OPLAH: variants seen among roughly 807,000 people sequenced by gnomAD.
OPLAH encodes 5-oxoprolinase.
In OPLAH, 103 loss-of-function variants were observed where a neutral mutation model predicts 122.8. The ratio of observed to expected loss-of-function variants is 0.84; its 90% CI spans 0.71 to 0.99. OPLAH has a LOEUF of 0.99. OPLAH is among the 50% of genes least tolerant of loss of function. OPLAH has a pLI of 0.00. For missense variants in OPLAH, 1,902 were observed against 1,836.5 expected (o/e 1.04, Z -0.65); for synonymous variants, 875 against 796.0 (o/e 1.10, Z -1.67).
chr8:144,053,475 C>A, intron 19 of OPLAH, 82 bp from the exon 20 acceptor site: 2 of 1,374,506 alleles, frequency 1.5e-6, no homozygotes, highest in Non-Finnish European at 2.0e-6. Flanking sequence ...CAGACAAGGT[C>A]TCTGGCCCCT....
At chr8:144,060,232 C>T in intron 1 of OPLAH, 147 bp from the exon 2 acceptor site, 1 of 643,190 alleles carries the variant, frequency 1.6e-6, no homozygotes, top group South Asian at 2.0e-5. Flanking sequence ...CCGAGGGCAG[C>T]CTGGGCCCGA....
rs782350791 is a variant in OPLAH at position 144,058,535 on chromosome 8, G to C, written c.744C>G (p.Tyr248Ter). 2 of 1,596,930 alleles carry C rather than the reference G, an allele frequency of 1.3e-6. No individual in the cohort carries two copies. Among genetic ancestry groups the C allele is most frequent in the African/African-American group, 2.7e-5 (2 of 74,854 alleles). The part of the protein sequence containing the change: ...DAYLTPAIQR[Y>*]VQGFCRGFQG... ...GGAAGCCACGGCAGAAGCCCTGCAC[G>C]TAGCGCTGGATGGCGGGCGTGAGGT... The change falls in exon 6 of 27, where the codon TAC becomes TAG. Residue 248 changes from tyrosine to a stop codon, truncating the protein, a stop_gained. Coordinates refer to ENST00000618853, the MANE Select transcript of OPLAH (RefSeq NM_017570.5). LOFTEE classifies it high-confidence loss of function.
At chr8:144,050,323 A>G (rs902646076), downstream of OPLAH, 77 of 944,918 alleles carry the variant, frequency 8.1e-5, no homozygotes, top group Non-Finnish European at 8.9e-5. Flanking sequence ...CTTGCGCAGC[A>G]AACAGCTGAC....
chr8:144,058,443 A>AAGGCCCAGGCCC (rs782021869), intron 6 of OPLAH, 39 bp from the exon 7 acceptor site: 6 of 1,583,770 alleles, frequency 3.8e-6, no homozygotes, highest in Non-Finnish European at 4.3e-6. Context: ...GGGGCAGGCC[A>AAGGCCCAGGCCC]AGGCCCAGGC....
rs374238208 is a variant in OPLAH, at chr8:144,058,633, C to A, written c.646G>T (p.Val216Leu). The A allele has an allele frequency of 6.2e-7, 1 of 1,602,436 alleles. No homozygotes were observed. Among genetic ancestry groups the A allele is most frequent in the Non-Finnish European group, 8.5e-7 (1 of 1,178,514 alleles). ...GGCATGGCCTCCGAGGACAGTGACA[C>A]GTGCGTGAAGCCCAGCTCCCGGGCC... ...VLARELGFTH[V>L]SLSSEAMPMV... is the part of the protein sequence containing the mutation. The change falls in exon 6 of 27, where the codon GTG (valine) becomes TTG (leucine). Residue 216 changes from valine (V) to leucine (L), a missense_variant. Physicochemically the swap from Val to Leu is conservative, Grantham distance 32. Around this residue, in one of 3 missense-constraint regions of OPLAH, gnomAD observed 1,726 missense variants for 1,642.1 expected, o/e 1.05. Coordinates refer to ENST00000618853, the MANE Select transcript of OPLAH (RefSeq NM_017570.5).
rs1835395635 is a variant in OPLAH, at chr8:144,052,159, C to A, written c.3461+10G>T. On this transcript the variant is annotated intron_variant, in intron 24 of 26. Transcript: ENST00000618853. The stretch of plus-strand genomic sequence containing the variant: ...CGGCCGTGCCCCCAGCCTCCGCGCA[C>A]GCCGCTCACCGGCTCTCCAGGATCT... The A allele has an allele frequency of 1.3e-6, 2 of 1,557,692 alleles. No individual in the cohort carries two copies. Among genetic ancestry groups the A allele is most frequent in the South Asian group, 2.3e-5 (2 of 85,614 alleles).
At chr8:144,054,118 C>T (rs1554758363) in intron 19 of OPLAH, among the ~76,000 whole-genome samples, 1 of 151,716 alleles carries the variant, frequency 6.6e-6, no homozygotes, top group Non-Finnish European at 1.5e-5. Flanking sequence ...GGGAGCTCAG[C>T]GCAGGCCCAG....
In OPLAH at chr8:144,055,922, G is replaced by T. The variant is rs1251408488; in HGVS notation, c.2114C>A (p.Pro705Gln). Residue 705 changes from proline to glutamine, a missense_variant, in exon 16 of 27, where the codon CCA (proline) becomes CAA (glutamine). Around this residue, in one of 3 missense-constraint regions of OPLAH, gnomAD observed 1,726 missense variants for 1,642.1 expected, o/e 1.05. Coordinates refer to ENST00000618853, the MANE Select transcript of OPLAH (RefSeq NM_017570.5). The surrounding 1 kb of genome is among the most constrained non-coding windows in gnomAD (Gnocchi z 6.5). Reference protein sequence around the residue: ...IDSNSTILVEPGCQAEVTKTG... With the variant: ...IDSNSTILVEQGCQAEVTKTG... ...CTTGGTCACCTCTGCCTGGCAACCT[G>T]GCTCCACCAGGATGGTGCTGGGGAG... is the stretch of plus-strand genomic sequence containing the variant. 6.3e-6 allele frequency: 10 copies of T among 1,585,520 alleles called. No individual in the cohort carries two copies. The highest frequency in any genetic ancestry group is 8.6e-6 in the Non-Finnish European group (10 of 1,165,832).
At chr8:144,054,442 C>A in intron 19 of OPLAH, 119 bp downstream of exon 19, 2 of 1,129,666 alleles carry the variant, frequency 1.8e-6, no homozygotes, top group Non-Finnish European at 1.2e-6. Context: ...TATCTCCTCC[C>A]AGCCTCAAGG....
rs781956188 is a variant in OPLAH, at chr8:144,055,859, G to T, written c.2177C>A (p.Pro726His). 9.5e-6 allele frequency: 15 copies of T among 1,578,952 alleles called. No homozygotes were observed. Among genetic ancestry groups the T allele is most frequent in the African/African-American group, 1.3e-5 (1 of 74,218 alleles). Residue 726 changes from proline to histidine, a missense_variant, in exon 16 of 27, where the codon CCC becomes CAC. This residue lies in a region of OPLAH where 1,726 missense variants were observed against 1,642.1 expected (regional missense o/e 1.05). Transcript: ENST00000618853. This position sits in a 1 kb window ranked among gnomAD's most constrained non-coding sequence, Gnocchi z 6.5. ...DICISVGAEV[P>H]GTVGPQLDPI... ...GTCCAGCTGGGGGCCCACTGTGCCG[G>T]GGACTTCGGCCCCCACGGAGATGCA...
chr8:144,057,592 G>C lies in OPLAH; in HGVS notation c.1278C>G (p.Ala426=), dbSNP rs782797712. ...QPLSPEASRK[A]LEAVATEVNS... is the part of the protein sequence containing the mutation. The stretch of plus-strand genomic sequence containing the variant: ...TGACCTCAGTGGCCACAGCCTCCAG[G>C]GCTTTGCGGGAGGCCTCAGGGGAAA... Residue 426 remains alanine (A), a synonymous_variant, in exon 10 of 27, where the codon GCC becomes GCG. Transcript: ENST00000618853. 6.3e-7 allele frequency: 1 copy of C among 1,585,970 alleles called. No individual in the cohort carries two copies. The highest frequency in any genetic ancestry group is 8.6e-7 in the Non-Finnish European group (1 of 1,165,604).
At position 144,056,529 on chromosome 8, in the gene OPLAH, C is replaced by T; in HGVS notation, c.1845-6G>A. 2 of 1,612,154 alleles carry T rather than the reference C, an allele frequency of 1.2e-6. No individual in the cohort carries two copies. Among genetic ancestry groups the T allele is most frequent in the Non-Finnish European group, 1.7e-6 (2 of 1,179,592 alleles). On this transcript the variant is annotated splice_region_variant and splice_polypyrimidine_tract_variant and intron_variant, in intron 13 of 26. Transcript: ENST00000618853. ...AGCCAAACTCCCTCATGTACCTGCA[C>T]TCCCCGCGGGGACCCAAGGAGTGGT...
Position 144,051,482 on chromosome 8 carries a change from C to CGGGGGGGGGGGGGG in OPLAH, c.3721-11_3721-10insCCCCCCCCCCCCCC, listed in dbSNP as rs782568024. ...GGAGACAGAACACATCCTGTTGGCG[C>CGGGGGGGGGGGGGG]GGGGGGGGGCGGGGAGGCGGGCTCA... On this transcript the variant is annotated splice_polypyrimidine_tract_variant and intron_variant, in intron 26 of 26. Coordinates refer to ENST00000618853, the MANE Select transcript of OPLAH (RefSeq NM_017570.5). 1.1e-5 allele frequency: 3 copies of CGGGGGGGGGGGGGG among 280,380 alleles called. No individual in the cohort carries two copies. Among genetic ancestry groups the CGGGGGGGGGGGGGG allele is most frequent in the African/African-American group, 9.5e-5 (1 of 10,556 alleles). The allele number at this position is 280,380 out of a possible 1,614,324, so 17.4% of individuals were successfully genotyped here. A position where few individuals can be genotyped will look rare whatever the true frequency, so the allele number is the denominator to read the frequency against.
chr8:144,052,650 A>T, intron 22 of OPLAH, 52 bp from the exon 23 acceptor site: 4 of 1,543,950 alleles, frequency 2.6e-6, no homozygotes, highest in Non-Finnish European at 3.5e-6. Context: ...TCCGGGAGAA[A>T]CAGCACCCCA....
At chr8:144,057,143 T>C (rs368608017) in intron 11 of OPLAH, 25 bp from the exon 12 acceptor site, 2 of 1,594,600 alleles carry the variant, frequency 1.3e-6, no homozygotes, top group African/African-American at 2.7e-5. Context: ...AGCATGGCAA[T>C]GGGAGGTCAC....
upstream of OPLAH, among the ~76,000 whole-genome samples, chr8:144,063,043 T>A (rs1302088422): frequency 2.0e-5 from 3 of 151,586 alleles, no homozygotes; most frequent in Non-Finnish European, 4.4e-5. This position sits in a 1 kb window ranked among gnomAD's most constrained non-coding sequence, Gnocchi z 4.2. Flanking sequence ...TCTCTGTCCC[T>A]CCATGTTGCT....
intron 3 of OPLAH, 139 bp downstream of exon 3, chr8:144,059,460 T>G: frequency 1.1e-6 from 1 of 938,394 alleles, no homozygotes; most frequent in Non-Finnish European, 1.6e-6. Flanking sequence ...GGGGTCCCAC[T>G]GGGAATTCGG....
intron 26 of OPLAH, 39 bp downstream of exon 26, chr8:144,051,680 CCGGGAGGGGA>C (rs1554757680): frequency 7.0e-7 from 1 of 1,428,834 alleles, no homozygotes; most frequent in South Asian, 1.2e-5. Context: ...TGGGATGGGG[CCGGGAGGGGA>C]GGGGAGGGGA....
rs782363993 is a variant in OPLAH, at chr8:144,054,546, C to T, written c.2686+15G>A. ...CCAGCCTACAGAAGGCCTGCCCCAC[C>T]CCACTCCCACTCACCCTCCTCCTGG... On this transcript the variant is annotated intron_variant, in intron 19 of 26. Transcript: ENST00000618853. 6.4e-7 allele frequency: 1 copy of T among 1,563,120 alleles called. No individual in the cohort carries two copies. The highest frequency in any genetic ancestry group is 1.2e-5 in the South Asian group (1 of 83,342).
Sources: allele counts gnomAD v4.1 joint callset (sites outside exome capture counted in the v4.1 genomes callset), GRCh38; gene constraint gnomAD v4.1.1; regional missense constraint gnomAD v4.1.1; non-coding constraint Gnocchi (gnomAD v3.1); transcripts MANE v1.5; gene names NCBI Gene and HGNC (gene_info 2026-07-23, HGNC 2026-07-21).